SCN10A: variants seen among roughly 807,000 people sequenced by gnomAD.
The protein encoded by SCN10A is sodium channel protein type 10 subunit alpha.
In SCN10A, 162 loss-of-function variants were observed where a neutral mutation model predicts 170.7. That is an observed-to-expected ratio of 0.95 (90% CI 0.84 to 1.08). SCN10A has a LOEUF of 1.08. Ranked by LOEUF, SCN10A falls within the 50% of genes least tolerant of loss-of-function variation. SCN10A has a pLI of 0.00. For synonymous variants in SCN10A, 985 were observed against 904.6 expected, an observed-to-expected ratio of 1.09 and a Z score of -1.59; for missense variants, 2,527 against 2,436.9, an observed-to-expected ratio of 1.04 and a Z score of -0.78.
intron 3 of SCN10A, among the ~76,000 whole-genome samples, chr3:38,790,944 A>T (rs1022099777): frequency 6.6e-6 from 1 of 152,208 alleles, no homozygotes; most frequent in Non-Finnish European, 1.5e-5. Context: ...GGCCAGCCAG[A>T]AAGAAAAAAA....
At chr3:38,751,333 C>T (rs2063744916) in intron 12 of SCN10A, among the ~76,000 whole-genome samples, 1 of 152,200 alleles carries the variant, frequency 6.6e-6, no homozygotes, top group Non-Finnish European at 1.5e-5. Context: ...CTCACTGTCC[C>T]TTATTCATTC....
intron 20 of SCN10A, among the ~76,000 whole-genome samples, chr3:38,721,243 A>T (rs2063386732): frequency 6.6e-6 from 1 of 152,196 alleles, no homozygotes; most frequent in Non-Finnish European, 1.5e-5. Flanking sequence ...AGTAAATGAC[A>T]CATGAGGCGC....
intron 1 of SCN10A, among the ~76,000 whole-genome samples, chr3:38,814,414 A>C (rs1424395231): frequency 6.6e-6 from 1 of 152,320 alleles, no homozygotes; most frequent in South Asian, 2.1e-4. Flanking sequence ...TCACAAAAAA[A>C]GCTGAAGGTC....
intron 1 of SCN10A, among the ~76,000 whole-genome samples, chr3:38,815,411 C>T (rs983734602): frequency 6.6e-6 from 1 of 152,178 alleles, no homozygotes; most frequent in East Asian, 1.9e-4. Context: ...GTCAATAGGC[C>T]TGGAGTGGGG....
intron 4 of SCN10A, among the ~76,000 whole-genome samples, chr3:38,776,527 C>A (rs569877978): frequency 5.0e-4 from 76 of 152,020 alleles, no homozygotes; most frequent in Non-Finnish European, 8.7e-4. Flanking sequence ...CCATGTTAAC[C>A]ATTATGAATG....
chr3:38,772,007 T>C (rs1575167316), intron 4 of SCN10A, among the ~76,000 whole-genome samples: 1 of 152,192 alleles, frequency 6.6e-6, no homozygotes, highest in African/African-American at 2.4e-5. Flanking sequence ...AGTTGAGCTT[T>C]CTAGATGCTG....
At chr3:38,741,710 G>C (rs58141279) in intron 14 of SCN10A, among the ~76,000 whole-genome samples, 26,560 of 151,988 alleles carry the variant, frequency 0.17, 3,444 homozygotes, top group East Asian at 0.39. Context: ...AAAGCAGCAT[G>C]ATGTCTAAAC....
intron 3 of SCN10A, among the ~76,000 whole-genome samples, chr3:38,790,725 A>G (rs553291751): frequency 2.0e-5 from 3 of 152,108 alleles, no homozygotes; most frequent in African/African-American, 4.8e-5. Context: ...AACTAGCTAC[A>G]TGGTCTTGGA....
chr3:38,723,997 G>A (rs2063425997), intron 18 of SCN10A, among the ~76,000 whole-genome samples: 3 of 152,182 alleles, frequency 2.0e-5, no homozygotes, highest in Admixed American at 1.3e-4. Flanking sequence ...CTCCTGCCTA[G>A]CCGGGGTCAT....
chr3:38,717,051 G>T (rs774830324), intron 21 of SCN10A, among the ~76,000 whole-genome samples: 5 of 152,214 alleles, frequency 3.3e-5, no homozygotes, highest in African/African-American at 4.8e-5. Context: ...TGAACAGAAT[G>T]TTAGATGATT....
rs564864074 is a variant in SCN10A, at chr3:38,739,734, G to C, written c.2107-46C>G. The C allele has an allele frequency of 4.1e-6, 6 of 1,460,080 alleles. No individual in the cohort carries two copies. The Admixed American group carries it at 1.2e-4, about 29-fold the overall frequency. 90.4% of individuals were successfully genotyped at this position (1,460,080 alleles called of 1,614,324 possible). ...TCATCACAGTGGGATCTGTGGGGTC[G>C]GAGGCAATGATAAAAATGGCAGCAA... On this transcript the variant is annotated intron_variant, in intron 14 of 27. Transcript: ENST00000449082.
chr3:38,755,924 A>G lies in SCN10A; in HGVS notation c.1325T>C (p.Leu442Pro). The G allele has an allele frequency of 6.2e-7, 1 of 1,614,196 alleles. No individual in the cohort carries two copies. Among genetic ancestry groups the G allele is most frequent in the Middle Eastern group, 1.6e-4 (1 of 6,062 alleles). ...TAAAGGTGATCCATTGTGGGAGTGGAGAGAGGTTGTGTCAATCCCTAGTGC... is the reference window on the plus strand; with the variant it reads ...TAAAGGTGATCCATTGTGGGAGTGGGGAGAGGTTGTGTCAATCCCTAGTGC... ...LAALGIDTTS[L>P]HSHNGSPLTS... Residue 442 changes from leucine (L) to proline (P), a missense_variant, in exon 11 of 28, where the codon CTC becomes CCC. By Grantham distance (98) the Leu-to-Pro change is moderately conservative. Coordinates refer to ENST00000449082, the MANE Select transcript of SCN10A (RefSeq NM_006514.4).
At position 38,755,029 on chromosome 3, in the gene SCN10A, A is replaced by G. The variant is rs115304862; in HGVS notation, c.1461+759T>C. On this transcript the variant is annotated intron_variant, in intron 11 of 27. Coordinates refer to ENST00000449082, the MANE Select transcript of SCN10A (RefSeq NM_006514.4). The stretch of plus-strand genomic sequence containing the variant: ...GCGTGGCGAGGAAAGTTGCAGTGCA[A>G]ATTTTAGAGTGGGAGGCAGAAAGTT... Among the ~76,000 whole-genome samples, 764 of 152,090 alleles carry G rather than the reference A, an allele frequency of 5.0e-3. 3 individuals are homozygous for G. The highest frequency in any genetic ancestry group is 8.6e-3 in the Admixed American group (131 of 15,266).
chr3:38,758,170 G>A (rs2063830594), intron 8 of SCN10A, among the ~76,000 whole-genome samples: 1 of 152,174 alleles, frequency 6.6e-6, no homozygotes, highest in Non-Finnish European at 1.5e-5. Context: ...CCATGGATTA[G>A]AGCTCTGACA....
At chr3:38,730,434 C>G (rs6790396) in intron 15 of SCN10A, among the ~76,000 whole-genome samples, 101,212 of 152,074 alleles carry the variant, frequency 0.67, 34,699 homozygotes, top group African/African-American at 0.84. Context: ...AGGTTTCAAA[C>G]TATTCCCTCA....
chr3:38,724,927 T>C (rs1444675997), intron 18 of SCN10A, among the ~76,000 whole-genome samples: 1 of 152,230 alleles, frequency 6.6e-6, no homozygotes. Flanking sequence ...GGAGTCTCAC[T>C]CTTTCTTTCT....
chr3:38,810,948 T>G (rs564611826), intron 1 of SCN10A, among the ~76,000 whole-genome samples: 1 of 152,376 alleles, frequency 6.6e-6, no homozygotes, highest in Non-Finnish European at 1.5e-5. Flanking sequence ...TTTTTACACT[T>G]ATCACATCTT....
At chr3:38,806,234 C>T (rs910398935) in intron 1 of SCN10A, among the ~76,000 whole-genome samples, 6 of 152,274 alleles carry the variant, frequency 3.9e-5, no homozygotes, top group African/African-American at 7.2e-5. Flanking sequence ...AACAGCTCTG[C>T]CCACCAGAAT....
intron 13 of SCN10A, among the ~76,000 whole-genome samples, chr3:38,747,419 T>C (rs1029845547): frequency 2.0e-5 from 3 of 152,196 alleles, no homozygotes; most frequent in Admixed American, 2.0e-4. Flanking sequence ...TAAATCATAA[T>C]AGCCAAATGT....
Sources: gnomAD v4.1 joint callset for allele counts (sites outside exome capture counted in the v4.1 genomes callset) on GRCh38, gnomAD v4.1.1 for gene constraint, MANE v1.5 for transcripts, NCBI Gene and HGNC (gene_info 2026-07-23, HGNC 2026-07-21) for gene names.